SHOC2: variants seen among roughly 807,000 people sequenced by gnomAD.
SHOC2 encodes the protein leucine-rich repeat protein SHOC-2.
In SHOC2, 4 loss-of-function variants were observed where a neutral mutation model predicts 50.2. The observed-to-expected ratio is 0.08, with a 90% CI of 0.04 to 0.18. The LOEUF (loss-of-function observed/expected upper bound fraction) is 0.18. SHOC2 is among the 10% of genes least tolerant of loss of function. The pLI is 1.00. For synonymous variants in SHOC2, 218 were observed against 244.5 expected (o/e 0.89, Z 1.01); for missense variants, 388 against 669.6 (o/e 0.58, Z 4.64).
intron 1 of SHOC2, among the ~76,000 whole-genome samples, chr10:110,940,481 A>G (rs937272111): frequency 6.6e-6 from 1 of 152,166 alleles, no homozygotes; most frequent in Non-Finnish European, 1.5e-5. Context: ...TGTCCATTCA[A>G]AGTCCTCTAA....
At chr10:110,971,842 A>C (rs1041941399) in intron 2 of SHOC2, among the ~76,000 whole-genome samples, 10 of 152,068 alleles carry the variant, frequency 6.6e-5, no homozygotes, top group African/African-American at 2.4e-4. Flanking sequence ...TCAGTTTCTT[A>C]CTATTGTGCA....
chr10:110,934,888 G>A (rs769830010), intron 1 of SHOC2, among the ~76,000 whole-genome samples: 1 of 152,014 alleles, frequency 6.6e-6, no homozygotes, highest in African/African-American at 2.4e-5. Context: ...CATGCATGTG[G>A]TGTAAAATTC....
At chr10:110,966,741 A>G (rs1162608979) in intron 2 of SHOC2, among the ~76,000 whole-genome samples, 1 of 152,114 alleles carries the variant, frequency 6.6e-6, no homozygotes, top group Non-Finnish European at 1.5e-5. Context: ...TAATCTTTTG[A>G]CCTTTATTCC....
At chr10:110,997,718 CT>C (rs1022374602) in intron 3 of SHOC2, among the ~76,000 whole-genome samples, 2 of 152,074 alleles carry the variant, frequency 1.3e-5, no homozygotes, top group African/African-American at 4.8e-5. Context: ...TATCTAACCC[CT>C]AGAGCTACCC....
intron 5 of SHOC2, among the ~76,000 whole-genome samples, chr10:111,006,623 G>A (rs553059441): frequency 6.6e-6 from 1 of 152,290 alleles, no homozygotes; most frequent in Non-Finnish European, 1.5e-5. Context: ...GCCCGCCTCG[G>A]CCTCCCAAAG....
chr10:110,968,031 A>G (rs1301977036), intron 2 of SHOC2, among the ~76,000 whole-genome samples: 1 of 152,136 alleles, frequency 6.6e-6, no homozygotes, highest in Admixed American at 6.5e-5. Context: ...AACCTTTTTG[A>G]GGGATTACTA....
intron 5 of SHOC2, among the ~76,000 whole-genome samples, chr10:111,006,759 T>A (rs759286156): frequency 1.3e-5 from 2 of 152,210 alleles, no homozygotes; most frequent in Non-Finnish European, 2.9e-5. Flanking sequence ...TGACATACAT[T>A]GTTGGTATTG....
At position 111,000,599 on chromosome 10, in the gene SHOC2, A is replaced by G; in HGVS notation, c.972+54A>G. 5 of 1,489,456 alleles carry G rather than the reference A, an allele frequency of 3.4e-6. No homozygotes were observed. The South Asian group carries it at 4.6e-5, about 14-fold the overall frequency. 92.3% of individuals were successfully genotyped at this position (1,489,456 alleles called of 1,614,324 possible). On this transcript the variant is annotated intron_variant, in intron 4 of 8. Coordinates refer to ENST00000369452, the MANE Select transcript of SHOC2 (RefSeq NM_007373.4). ...TTGAAATGAGTCTGCAAGATAATTCAAGGAAAGCTAGTAAATCTTTATAGC... is the reference window on the plus strand; with the variant it reads ...TTGAAATGAGTCTGCAAGATAATTCGAGGAAAGCTAGTAAATCTTTATAGC...
intron 2 of SHOC2, among the ~76,000 whole-genome samples, chr10:110,975,433 C>T (rs1476293168): frequency 6.6e-6 from 1 of 152,164 alleles, no homozygotes; most frequent in African/African-American, 2.4e-5. Context: ...TGAGCCACTG[C>T]GCCCGGCCTA....
At chr10:110,997,505 A>G (rs886711730) in intron 3 of SHOC2, among the ~76,000 whole-genome samples, 1 of 150,728 alleles carries the variant, frequency 6.6e-6, no homozygotes, top group Non-Finnish European at 1.5e-5. Flanking sequence ...TTGAAATCAT[A>G]CAAAATGCAC....
intron 1 of SHOC2, among the ~76,000 whole-genome samples, chr10:110,924,742 A>T (rs1289525266): frequency 6.6e-6 from 1 of 152,142 alleles, no homozygotes; most frequent in East Asian, 1.9e-4. Context: ...CGTGGGGAAT[A>T]ATTCCCAGGC....
At chr10:110,997,538 C>CCA (rs1564726748) in intron 3 of SHOC2, among the ~76,000 whole-genome samples, 1 of 152,034 alleles carries the variant, frequency 6.6e-6, no homozygotes, top group East Asian at 1.9e-4. Flanking sequence ...CTTTTTCCCC[C>CCA]CCAACTTAAC....
intron 2 of SHOC2, among the ~76,000 whole-genome samples, chr10:110,984,091 T>C (rs990921588): frequency 5.9e-5 from 9 of 152,292 alleles, no homozygotes; most frequent in African/African-American, 1.9e-4. Flanking sequence ...ACTGTACAGT[T>C]TTTCACAGCA....
chr10:110,999,965 C>G (rs998809442), intron 3 of SHOC2, among the ~76,000 whole-genome samples: 5 of 151,902 alleles, frequency 3.3e-5, no homozygotes, highest in African/African-American at 1.2e-4. Flanking sequence ...ATATTTTAAA[C>G]AATACCATTT....
chr10:110,921,651 A>G (rs1256681471), intron 1 of SHOC2, among the ~76,000 whole-genome samples: 1 of 152,186 alleles, frequency 6.6e-6, no homozygotes, highest in South Asian at 2.1e-4. Context: ...GTATCCCATC[A>G]TCTCAAGCAT....
upstream of SHOC2, chr10:110,919,500 G>A (rs1292755676): frequency 1.8e-5 from 7 of 391,108 alleles, no homozygotes; most frequent in East Asian, 2.5e-4. Context: ...GGTGGGGCGG[G>A]GAGGCTGGAG....
chr10:110,999,760 G>GAAAAA (rs1848335373), intron 3 of SHOC2, among the ~76,000 whole-genome samples: 1 of 87,802 alleles, frequency 1.1e-5, no homozygotes, highest in Admixed American at 1.1e-4. Flanking sequence ...AAAAAAAAAA[G>GAAAAA]AAAGAAAAGA....
rs368996640 is a variant in SHOC2, at chr10:110,942,615, T to G, written c.-234-21510T>G. Among the ~76,000 whole-genome samples the G allele has an allele frequency of 3.2e-3, 486 of 152,278 alleles. 26 individuals are homozygous for G. The South Asian group carries it at 0.093, about 29-fold the overall frequency. On this transcript the variant is annotated intron_variant, in intron 1 of 8. Coordinates refer to ENST00000369452, the MANE Select transcript of SHOC2 (RefSeq NM_007373.4). ...GCACGTTCTCCTCAACTGGCTCAGG[T>G]TTTGATAATCCATACCAGGCTACCT...
chr10:110,931,722 G>C (rs1482164726), intron 1 of SHOC2, among the ~76,000 whole-genome samples: 1 of 151,656 alleles, frequency 6.6e-6, no homozygotes, highest in African/African-American at 2.4e-5. Flanking sequence ...CTCAATAAAA[G>C]GTTCATAATA....
Sources: gnomAD v4.1 joint callset for allele counts (sites outside exome capture counted in the v4.1 genomes callset) on GRCh38, gnomAD v4.1.1 for gene constraint, MANE v1.5 for transcripts, NCBI Gene and HGNC (gene_info 2026-07-23, HGNC 2026-07-21) for gene names.